Variants in IGF1R observed in about 807,000 individuals in gnomAD.
IGF1R encodes insulin like growth factor 1 receptor.
IGF1R carries 44 observed loss-of-function variants against 144.6 expected under a neutral mutation model. The ratio of observed to expected loss-of-function variants is 0.30; its 90% CI spans 0.24 to 0.39. The LOEUF (loss-of-function observed/expected upper bound fraction) is 0.39. Among genes scored for constraint, IGF1R ranks in the 10% least tolerant of loss-of-function variants. IGF1R has a pLI of 1.00. For synonymous variants in IGF1R, 795 were observed against 722.8 expected (o/e 1.10, Z -1.60); for missense variants, 1,355 against 1,833.7 (o/e 0.74, Z 4.77).
rs939721391 is a variant in IGF1R, at chr15:98,802,023, C to G, written c.641-89302C>G. 1.3e-5 allele frequency among the ~76,000 whole-genome samples: 2 copies of G among 152,206 alleles called. 1 individual carries two copies. Among genetic ancestry groups the G allele is most frequent in the Middle Eastern group, 6.3e-3 (2 of 316 alleles). On this transcript the variant is annotated intron_variant, in intron 2 of 20. Coordinates refer to ENST00000650285, the MANE Select transcript of IGF1R (RefSeq NM_000875.5). ...CCCTTTCCTCATGGCCCTGGCTGTT[C>G]TCCTGCATGGGGTCATGTGTGTCCC...
chr15:98,825,369 T>TC (rs2056874316), intron 2 of IGF1R, among the ~76,000 whole-genome samples: 1 of 152,204 alleles, frequency 6.6e-6, no homozygotes, highest in Non-Finnish European at 1.5e-5. Flanking sequence ...TGCTCATCTT[T>TC]CCGTATACTT....
intron 1 of IGF1R, among the ~76,000 whole-genome samples, chr15:98,675,302 T>TA (rs1331888890): frequency 1.3e-5 from 2 of 152,208 alleles, no homozygotes; most frequent in African/African-American, 4.8e-5. Context: ...TTTATAATTT[T>TA]GATCATTAAA....
rs943200844 is a variant in IGF1R, at chr15:98,896,919, C to A, written c.1102+14C>A. On this transcript the variant is annotated intron_variant, in intron 4 of 20. Coordinates refer to ENST00000650285, the MANE Select transcript of IGF1R (RefSeq NM_000875.5). The stretch of plus-strand genomic sequence containing the variant: ...TCCGACGGGGGAGTAAGTATTCCAT[C>A]CCCCTGGAAAAACGGCTAGATCTCA... The A allele has an allele frequency of 1.2e-6, 2 of 1,613,416 alleles. No individual in the cohort carries two copies. Among genetic ancestry groups the A allele is most frequent in the Non-Finnish European group, 1.7e-6 (2 of 1,179,654 alleles).
intron 2 of IGF1R, among the ~76,000 whole-genome samples, chr15:98,859,085 A>G (rs559222523): frequency 3.3e-4 from 51 of 152,272 alleles, no homozygotes; most frequent in Admixed American, 1.0e-3. Context: ...GGAGGAAAAA[A>G]AAAAAAAAGT....
chr15:98,955,820 G>C (rs995295266), intron 20 of IGF1R, among the ~76,000 whole-genome samples: 1 of 152,278 alleles, frequency 6.6e-6, no homozygotes, highest in African/African-American at 2.4e-5. Context: ...CAGGAGGCTA[G>C]ATGCCACTGG....
At chr15:98,835,648 A>G (rs150111712) in intron 2 of IGF1R, among the ~76,000 whole-genome samples, 2 of 152,312 alleles carry the variant, frequency 1.3e-5, no homozygotes, top group African/African-American at 4.8e-5. Context: ...AGTGACATTG[A>G]TTTAGTCTGG....
chr15:98,661,580 C>G (rs777415835), intron 1 of IGF1R, among the ~76,000 whole-genome samples: 1 of 152,182 alleles, frequency 6.6e-6, no homozygotes, highest in Non-Finnish European at 1.5e-5. Context: ...GCTGGACAGC[C>G]TGGCCTGTCT....
rs34756950 is a variant in IGF1R at position 98,959,225 on chromosome 15, C to G, written c.*1783C>G. 3 of 233,458 alleles carry G rather than the reference C, an allele frequency of 1.3e-5. No homozygotes were observed. The highest frequency in any genetic ancestry group is 2.5e-5 in the Non-Finnish European group (3 of 117,980). The allele number at this position is 233,458 out of a possible 1,614,324, so 14.5% of individuals were successfully genotyped here. A position where few individuals can be genotyped will look rare whatever the true frequency, so the allele number is the denominator to read the frequency against. On this transcript the variant is annotated 3_prime_UTR_variant, in exon 21 of 21. Transcript: ENST00000650285. ...TATATATTTTTTTAATTCTTGGGTA[C>G]AACAGCAGTGTTAACCGCAGACACT...
intron 2 of IGF1R, among the ~76,000 whole-genome samples, chr15:98,753,304 C>T (rs1185503507): frequency 6.6e-6 from 1 of 150,800 alleles, no homozygotes; most frequent in East Asian, 1.9e-4. Context: ...GCAGCCTTGA[C>T]CTCCTCTGCT....
intron 1 of IGF1R, among the ~76,000 whole-genome samples, chr15:98,702,608 A>G (rs939217360): frequency 5.3e-5 from 8 of 152,196 alleles, no homozygotes; most frequent in African/African-American, 1.7e-4. Context: ...GACTGCAGGC[A>G]TGAACCACTG....
intron 2 of IGF1R, among the ~76,000 whole-genome samples, chr15:98,717,771 T>C (rs2054154241): frequency 6.6e-6 from 1 of 152,222 alleles, no homozygotes; most frequent in African/African-American, 2.4e-5. Context: ...ATTTTTTAAA[T>C]GCCTCTGTCT....
At chr15:98,705,183 G>C (rs1463674885) in intron 1 of IGF1R, among the ~76,000 whole-genome samples, 3 of 152,198 alleles carry the variant, frequency 2.0e-5, no homozygotes, top group Admixed American at 6.5e-5. Context: ...CCAACATTTA[G>C]AGGTAAGGTA....
chr15:98,955,223 C>T (rs2016931472), intron 20 of IGF1R, among the ~76,000 whole-genome samples: 1 of 152,188 alleles, frequency 6.6e-6, no homozygotes, highest in African/African-American at 2.4e-5. Context: ...GGCATTCTAC[C>T]GTGGGGTAGA....
At chr15:98,826,107 A>G (rs1374257382) in intron 2 of IGF1R, among the ~76,000 whole-genome samples, 1 of 152,224 alleles carries the variant, frequency 6.6e-6, no homozygotes, top group Non-Finnish European at 1.5e-5. Context: ...GCAGGTAATT[A>G]TGGTAGTAGT....
Position 98,961,453 on chromosome 15 carries a change from C to CA in IGF1R, c.*4013dup, listed in dbSNP as rs945772124. 3.2e-4 allele frequency: 74 copies of CA among 233,242 alleles called. 1 individual carries two copies. In the East Asian group the frequency reaches 3.3e-3, roughly 10 times the overall value. The allele number at this position is 233,242 out of a possible 1,614,324, so 14.4% of individuals were successfully genotyped here. ...TGATGGTGCAGTCACTTTACTGGACCAACCCACCCACCTTGACTATACCAA... is the reference window on the plus strand; with the variant it reads ...TGATGGTGCAGTCACTTTACTGGACCAAACCCACCCACCTTGACTATACCAA... On this transcript the variant is annotated 3_prime_UTR_variant, in exon 21 of 21. Coordinates refer to ENST00000650285, the MANE Select transcript of IGF1R (RefSeq NM_000875.5).
chr15:98,656,456 G>A (rs998550771), intron 1 of IGF1R, among the ~76,000 whole-genome samples: 3 of 152,288 alleles, frequency 2.0e-5, no homozygotes, highest in African/African-American at 7.2e-5. Context: ...GGCTGAGGCA[G>A]GAGAATTGCT....
intron 2 of IGF1R, among the ~76,000 whole-genome samples, chr15:98,852,555 A>C (rs935131716): frequency 6.6e-6 from 1 of 152,134 alleles, no homozygotes; most frequent in Admixed American, 6.5e-5. Context: ...GGAGGCGATC[A>C]CCAGAGCAGA....
At chr15:98,650,366 G>A (rs1318571995) in intron 1 of IGF1R, among the ~76,000 whole-genome samples, 5 of 152,182 alleles carry the variant, frequency 3.3e-5, no homozygotes, top group African/African-American at 1.2e-4. Context: ...GCGTCCCGGG[G>A]CTGGGCGGTG....
At chr15:98,696,973 G>A (rs770864483) in intron 1 of IGF1R, among the ~76,000 whole-genome samples, 9 of 152,292 alleles carry the variant, frequency 5.9e-5, no homozygotes, top group Non-Finnish European at 8.8e-5. Flanking sequence ...ATTGTCCTCC[G>A]GATGCTTGGA....
Sources: gnomAD v4.1 joint callset for allele counts (sites outside exome capture counted in the v4.1 genomes callset) on GRCh38, gnomAD v4.1.1 for gene constraint, MANE v1.5 for transcripts, NCBI Gene and HGNC (gene_info 2026-07-23, HGNC 2026-07-21) for gene names.